NR2F1-AS1: variants seen among roughly 807,000 people sequenced by gnomAD.
NR2F1-AS1 encodes NR2F1 regulatory antisense RNA 1, also known as NR2F1 antisense RNA 1.
chr5:93,512,016 T>G (rs958689924), intron 4 of NR2F1-AS1, among the ~76,000 whole-genome samples: 2 of 152,224 alleles, frequency 1.3e-5, no homozygotes, highest in Non-Finnish European at 2.9e-5. Context: ...TACTGGCTTA[T>G]GTATCAACTA....
intron 4 of NR2F1-AS1, among the ~76,000 whole-genome samples, chr5:93,433,202 G>A (rs1200731606): frequency 6.6e-6 from 1 of 152,024 alleles, no homozygotes; most frequent in African/African-American, 2.4e-5. Flanking sequence ...TTAGTATTTC[G>A]CACATGAATT....
chr5:93,413,783 C>T lies in NR2F1-AS1; in HGVS notation n.639-18241G>A, dbSNP rs962516519. On this transcript the variant is annotated intron_variant and non_coding_transcript_variant, in intron 4 of 5. Coordinates refer to ENST00000660523, the Ensembl canonical transcript of NR2F1-AS1. ...AATGTCTAAACTACATCAGAATAGA[C>T]CAAGAATTCTGAGAAATTTTGAAGT... 2.0e-5 allele frequency among the ~76,000 whole-genome samples: 3 copies of T among 152,134 alleles called. No homozygotes were observed. The South Asian group carries it at 6.2e-4, about 32-fold the overall frequency.
upstream of NR2F1-AS1, chr5:93,585,117 G>C: frequency 1.0e-6 from 1 of 979,180 alleles, no homozygotes; most frequent in Non-Finnish European, 1.2e-6. Context: ...GGCGGCCCGC[G>C]GCGGCGGCGG....
intron 4 of NR2F1-AS1, among the ~76,000 whole-genome samples, chr5:93,509,325 G>C (rs1479848126): frequency 6.6e-6 from 1 of 152,022 alleles, no homozygotes; most frequent in Non-Finnish European, 1.5e-5. Flanking sequence ...TATCTGCATT[G>C]TCTAATACAG....
At chr5:93,502,005 T>A (rs966853015) in intron 4 of NR2F1-AS1, among the ~76,000 whole-genome samples, 2 of 152,202 alleles carry the variant, frequency 1.3e-5, no homozygotes, top group African/African-American at 4.8e-5. Flanking sequence ...AGACCCTCTA[T>A]CAGCAAAAAG....
intron 4 of NR2F1-AS1, among the ~76,000 whole-genome samples, chr5:93,548,815 G>A (rs1752155107): frequency 6.6e-6 from 1 of 152,116 alleles, no homozygotes; most frequent in South Asian, 2.1e-4. Flanking sequence ...AGGTTGCAGT[G>A]AATCAAGACC....
chr5:93,501,905 T>C lies in NR2F1-AS1; in HGVS notation n.638+51856A>G, dbSNP rs778360700. On this transcript the variant is annotated intron_variant and non_coding_transcript_variant, in intron 4 of 5. Transcript: ENST00000660523. ...GAGTCAATCGATAGGGCAAACTTCATTGTTGTCTTATTTTTTAAAAATTGC... is the reference window on the plus strand; with the variant it reads ...GAGTCAATCGATAGGGCAAACTTCACTGTTGTCTTATTTTTTAAAAATTGC... 3.9e-5 allele frequency among the ~76,000 whole-genome samples: 6 copies of C among 152,240 alleles called. No homozygotes were observed. The East Asian group carries it at 5.8e-4, about 15-fold the overall frequency.
intron 4 of NR2F1-AS1, among the ~76,000 whole-genome samples, chr5:93,502,692 T>G (rs904044180): frequency 6.6e-6 from 1 of 152,020 alleles, no homozygotes; most frequent in South Asian, 2.1e-4. Flanking sequence ...TTTTGCCAGT[T>G]CTCTGCCAAA....
intron 4 of NR2F1-AS1, among the ~76,000 whole-genome samples, chr5:93,474,547 G>A (rs564162333): frequency 6.6e-6 from 1 of 152,166 alleles, no homozygotes; most frequent in Non-Finnish European, 1.5e-5. Context: ...GTCTAAGATC[G>A]AGGAACTAAC....
chr5:93,578,929 G>C (rs1276497010), intron 1 of NR2F1-AS1, among the ~76,000 whole-genome samples: 1 of 152,170 alleles, frequency 6.6e-6, no homozygotes, highest in East Asian at 1.9e-4. Context: ...ATTGGGACCA[G>C]TATCAAAAGA....
At chr5:93,456,970 T>G (rs1561447163) in intron 4 of NR2F1-AS1, among the ~76,000 whole-genome samples, 1 of 152,350 alleles carries the variant, frequency 6.6e-6, no homozygotes, top group East Asian at 1.9e-4. Context: ...TATTGCCTAT[T>G]GCCGCCAGCA....
At chr5:93,545,332 C>T (rs1188119510) in intron 4 of NR2F1-AS1, among the ~76,000 whole-genome samples, 1 of 152,204 alleles carries the variant, frequency 6.6e-6, no homozygotes, top group Non-Finnish European at 1.5e-5. Flanking sequence ...CCATAAAGTA[C>T]TGGTGACCTA....
At chr5:93,543,897 T>C (rs1372215919) in intron 4 of NR2F1-AS1, 23 of 152,220 alleles carry the variant, frequency 1.5e-4, no homozygotes. Context: ...ATTGAGAAGT[T>C]GTTGCGATAT....
chr5:93,438,028 C>T (rs758233183), intron 4 of NR2F1-AS1, among the ~76,000 whole-genome samples: 4 of 152,062 alleles, frequency 2.6e-5, no homozygotes, highest in Admixed American at 6.6e-5. Flanking sequence ...TGTTTCCTGA[C>T]CAGCATAACA....
chr5:93,429,537 CATTTAATTTATTCTATTG>C, intron 4 of NR2F1-AS1, among the ~76,000 whole-genome samples: 1 of 152,324 alleles, frequency 6.6e-6, no homozygotes, highest in South Asian at 2.1e-4. Context: ...TGGAAAAACA[CATTTAATTTATTCTATTG>C]AAAGGGGACA....
At chr5:93,577,579 A>T (rs565122783) in intron 1 of NR2F1-AS1, among the ~76,000 whole-genome samples, 1 of 152,186 alleles carries the variant, frequency 6.6e-6, no homozygotes, top group East Asian at 1.9e-4. Flanking sequence ...GTGTTTTAGT[A>T]ATCACAAAAC....
chr5:93,422,663 T>A (rs1749112828), intron 4 of NR2F1-AS1, among the ~76,000 whole-genome samples: 1 of 152,244 alleles, frequency 6.6e-6, no homozygotes, highest in South Asian at 2.1e-4. Flanking sequence ...TGGAAAGGAA[T>A]CTTTTTCATA....
At chr5:93,437,987 C>T (rs1157664362) in intron 4 of NR2F1-AS1, among the ~76,000 whole-genome samples, 1 of 152,108 alleles carries the variant, frequency 6.6e-6, no homozygotes, top group Non-Finnish European at 1.5e-5. Flanking sequence ...TGAGTAAAGA[C>T]AGGATATGCT....
intron 4 of NR2F1-AS1, among the ~76,000 whole-genome samples, chr5:93,529,486 G>A (rs975181943): frequency 4.6e-5 from 7 of 151,982 alleles, no homozygotes; most frequent in African/African-American, 9.7e-5. Flanking sequence ...TTCCCCTCCC[G>A]CTGCCTTAAT....
Sources: allele counts gnomAD v4.1 joint callset (sites outside exome capture counted in the v4.1 genomes callset), GRCh38; gene constraint gnomAD v4.1.1; transcripts MANE v1.5; gene names NCBI Gene and HGNC (gene_info 2026-07-23, HGNC 2026-07-21).